The following DAPK1 variants were observed in gnomAD, a reference collection of about 807,000 sequenced individuals.
The protein encoded by DAPK1 is death-associated protein kinase 1.
In DAPK1, 56 loss-of-function variants were observed where a neutral mutation model predicts 144.9. That is an observed-to-expected ratio of 0.39 (90% CI 0.31 to 0.48). The LOEUF (loss-of-function observed/expected upper bound fraction) is 0.48. DAPK1 is among the 20% of genes least tolerant of loss of function. The probability of loss-of-function intolerance (pLI) is 0.95; values close to 1 mark genes in which losing one functional copy is unlikely to be tolerated. For missense variants in DAPK1, 1,454 were observed against 1,875.4 expected, an observed-to-expected ratio of 0.78 and a Z score of 4.15; for synonymous variants, 690 against 749.0, an observed-to-expected ratio of 0.92 and a Z score of 1.29.
rs36210035 is a variant in DAPK1, at chr9:87,628,711, A to G, written c.285-9232A>G. On this transcript the variant is annotated intron_variant, in intron 3 of 25. Transcript: ENST00000408954. ...ACCACCTCACTCCTTCACGCTGTATACACCAGGATAGTTACGGTAAAGGAG... is the reference window on the plus strand; with the variant it reads ...ACCACCTCACTCCTTCACGCTGTATGCACCAGGATAGTTACGGTAAAGGAG... 6.7e-3 allele frequency among the ~76,000 whole-genome samples: 1,027 copies of G among 152,332 alleles called. 14 individuals carry two copies. The highest frequency in any genetic ancestry group is 0.023 in the African/African-American group (959 of 41,570).
At chr9:87,628,487 G>T (rs1003742131) in intron 3 of DAPK1, among the ~76,000 whole-genome samples, 1 of 152,108 alleles carries the variant, frequency 6.6e-6, no homozygotes. Context: ...CCCTTCCTGT[G>T]TCCCAGCTTC....
chr9:87,630,788 G>A (rs1829656946), intron 3 of DAPK1, among the ~76,000 whole-genome samples: 1 of 152,180 alleles, frequency 6.6e-6, no homozygotes, highest in South Asian at 2.1e-4. Flanking sequence ...TGAGAAATGA[G>A]CTTATCTGCG....
chr9:87,633,178 G>A (rs559608011), intron 3 of DAPK1: 85 of 983,146 alleles, frequency 8.6e-5, no homozygotes, highest in Non-Finnish European at 9.8e-5. Context: ...TAGGGATGAA[G>A]GGTGATCAGT....
intron 2 of DAPK1, among the ~76,000 whole-genome samples, chr9:87,528,361 G>A (rs1445884597): frequency 6.6e-6 from 1 of 151,930 alleles, no homozygotes. Context: ...GGGATTACAG[G>A]TGTGCATCAC....
intron 2 of DAPK1, among the ~76,000 whole-genome samples, chr9:87,588,898 G>A (rs1295628973): frequency 4.0e-5 from 6 of 151,756 alleles, no homozygotes; most frequent in Admixed American, 1.3e-4. Flanking sequence ...TCTGGGGGGC[G>A]GGGGGAGCAG....
rs561760218 is a variant in DAPK1 at position 87,690,008 on chromosome 9, A to G, written c.2413+3269A>G. 8.5e-5 allele frequency among the ~76,000 whole-genome samples: 13 copies of G among 152,260 alleles called. No homozygotes were observed. The East Asian group carries it at 2.5e-3, about 29-fold the overall frequency. ...TTGGCCACTGTTTTGTTTCCATACA[A>G]ATTTTCCGATTGTCTTTTCTATTTC... On this transcript the variant is annotated intron_variant, in intron 21 of 25. Transcript: ENST00000408954.
intron 3 of DAPK1, among the ~76,000 whole-genome samples, chr9:87,612,051 A>C (rs534457434): frequency 1.3e-5 from 2 of 152,334 alleles, no homozygotes; most frequent in African/African-American, 4.8e-5. Flanking sequence ...ACATGGCAAA[A>C]GGCATCGCGT....
chr9:87,675,895 A>ACACACACACACACACACAC (rs1179826339), intron 19 of DAPK1, among the ~76,000 whole-genome samples: 1 of 132,808 alleles, frequency 7.5e-6, no homozygotes, highest in African/African-American at 2.9e-5. Flanking sequence ...ACACACACAC[A>ACACACACACACACACACAC]CCCTTATGAC....
intron 2 of DAPK1, among the ~76,000 whole-genome samples, chr9:87,538,082 A>G (rs1408660516): frequency 1.3e-5 from 2 of 152,240 alleles, no homozygotes; most frequent in Admixed American, 6.5e-5. Flanking sequence ...AGTTAAAGCT[A>G]CAATCTCAAT....
At chr9:87,613,978 A>G (rs1829012942) in intron 3 of DAPK1, among the ~76,000 whole-genome samples, 1 of 152,202 alleles carries the variant, frequency 6.6e-6, no homozygotes, top group South Asian at 2.1e-4. Context: ...CTCCTCAGAT[A>G]CCTACTATTA....
intron 3 of DAPK1, among the ~76,000 whole-genome samples, chr9:87,636,073 C>A (rs895726098): frequency 1.3e-5 from 2 of 152,112 alleles, no homozygotes; most frequent in African/African-American, 4.8e-5. Flanking sequence ...TGCCTTGTTC[C>A]GTGGGCAGAC....
intron 2 of DAPK1, among the ~76,000 whole-genome samples, chr9:87,602,922 T>TTCTCTCTCTCTC (rs143584239): frequency 1.5e-4 from 22 of 146,526 alleles, no homozygotes; most frequent in African/African-American, 5.6e-4. Context: ...GTCTCTCTGT[T>TTCTCTCTCTCTC]TCTCTCTCTC....
At chr9:87,645,785 C>A in intron 11 of DAPK1, 110 bp from the exon 12 acceptor site, 1 of 1,419,726 alleles carries the variant, frequency 7.0e-7, no homozygotes, top group Non-Finnish European at 9.6e-7. Context: ...AAATGGCTTA[C>A]TTTCCTCTGA....
intron 3 of DAPK1, among the ~76,000 whole-genome samples, chr9:87,605,515 C>T (rs1828684962): frequency 6.7e-6 from 1 of 148,892 alleles, no homozygotes; most frequent in Admixed American, 6.6e-5. Context: ...CTTCTCCCCT[C>T]TCACTCTATT....
At chr9:87,705,808 A>C (rs1404895363) in intron 25 of DAPK1, among the ~76,000 whole-genome samples, 1 of 152,112 alleles carries the variant, frequency 6.6e-6, no homozygotes, top group Non-Finnish European at 1.5e-5. Flanking sequence ...TTATGTACTT[A>C]TTTTGGGATT....
chr9:87,510,836 T>G (rs1038133817), intron 2 of DAPK1, among the ~76,000 whole-genome samples: 3 of 152,204 alleles, frequency 2.0e-5, no homozygotes, highest in African/African-American at 4.8e-5. Context: ...TTAGTTTTTC[T>G]CATCTGTAAA....
chr9:87,505,137 C>T (rs1180604547), intron 2 of DAPK1, among the ~76,000 whole-genome samples: 2 of 152,166 alleles, frequency 1.3e-5, no homozygotes, highest in Non-Finnish European at 2.9e-5. Context: ...TATCTGATAT[C>T]TGGGAGTGGC....
chr9:87,603,558 C>T, intron 2 of DAPK1, among the ~76,000 whole-genome samples: 1 of 152,226 alleles, frequency 6.6e-6, no homozygotes, highest in East Asian at 1.9e-4. Context: ...TTTAAAGTAT[C>T]CATTCTTTAA....
chr9:87,558,255 C>A (rs1423617978), intron 2 of DAPK1, among the ~76,000 whole-genome samples: 2 of 152,086 alleles, frequency 1.3e-5, no homozygotes, highest in Non-Finnish European at 2.9e-5. Flanking sequence ...TGCATCTTGG[C>A]CTGTCAGCAC....
Sources: gnomAD v4.1 joint callset for allele counts (sites outside exome capture counted in the v4.1 genomes callset) on GRCh38, gnomAD v4.1.1 for gene constraint, MANE v1.5 for transcripts, NCBI Gene and HGNC (gene_info 2026-07-23, HGNC 2026-07-21) for gene names.